SF3A2: variants seen among roughly 807,000 people sequenced by gnomAD.
SF3A2 encodes the protein SAP 62.
A neutral mutation model predicts 31.1 loss-of-function variants in SF3A2; 5 were observed. The ratio of observed to expected loss-of-function variants is 0.16; its 90% confidence interval spans 0.08 to 0.34. SF3A2 has a LOEUF of 0.34. Among genes scored for constraint, SF3A2 ranks in the 10% least tolerant of loss-of-function variants. The pLI, the probability that SF3A2 is intolerant of heterozygous loss-of-function variation, is 1.00. For synonymous variants in SF3A2, 365 were observed against 263.7 expected (o/e 1.38, Z -3.72); for missense variants, 577 against 643.9 (o/e 0.90, Z 1.13).
rs45502694 is a variant in SF3A2 at position 2,244,624 on chromosome 19, T to C, written c.198+9T>C. The stretch of plus-strand genomic sequence containing the variant: ...CACTTCACAACAATGAGGTGCGGCC[T>C]CTGCCTGGCTCCGGGCGGCTCGCGG... On this transcript the variant is annotated intron_variant, in intron 3 of 8. Coordinates refer to ENST00000221494, the MANE Select transcript of SF3A2 (RefSeq NM_007165.5). 3.1e-6 allele frequency: 5 copies of C among 1,613,846 alleles called. No individual in the cohort carries two copies. In the Admixed American group the frequency reaches 8.3e-5, roughly 27 times the overall value.
At chr19:2,244,835 C>A in intron 4 of SF3A2, 56 bp downstream of exon 4, 1 of 1,519,938 alleles carries the variant, frequency 6.6e-7, no homozygotes, top group Non-Finnish European at 9.1e-7. Flanking sequence ...TGGCTCAAGT[C>A]TCTGTGAGCC....
At chr19:2,244,956 G>A (rs868786670) in intron 4 of SF3A2, 177 bp downstream of exon 4, 26 of 616,856 alleles carry the variant, frequency 4.2e-5, no homozygotes, top group African/African-American at 9.2e-5. Context: ...TGGCTGAGGC[G>A]GGCAGATCAC....
chr19:2,247,256 C>T (rs1171463119), intron 7 of SF3A2: 1 of 541,286 alleles, frequency 1.8e-6, no homozygotes, highest in Non-Finnish European at 3.2e-6. Flanking sequence ...GGGCTGAGCG[C>T]CAGGCCTGTG....
In SF3A2 at chr19:2,248,176, G is replaced by A; in HGVS notation, c.1025G>A (p.Gly342Glu). Residue 342 changes from glycine (G) to glutamate (E), a missense_variant, in exon 9 of 9, where the codon GGG (glycine) becomes GAG (glutamate). By Grantham distance (98) the Gly-to-Glu change is moderately conservative. This residue lies in a region of SF3A2 where 462 missense variants were observed against 339.1 expected (regional missense o/e 1.36). Transcript: ENST00000221494. ...CCTGGAGTCCACCCTCCAGCCCCCG[G>A]GGTTCACCCACCAGCCCCCGGAGTC... ...PAPGVHPPAP[G>E]VHPPAPGVHP... The A allele has an allele frequency of 6.8e-7, 1 of 1,466,062 alleles. No homozygotes were observed. The highest frequency in any genetic ancestry group is 9.2e-7 in the Non-Finnish European group (1 of 1,086,900). The allele number at this position is 1,466,062 out of a possible 1,614,324, so 90.8% of individuals were successfully genotyped here. A position where few individuals can be genotyped will look rare whatever the true frequency, so the allele number is the denominator to read the frequency against.
Position 2,246,962 on chromosome 19 carries a change from G to T in SF3A2, c.486G>T (p.Pro162=). The change falls in exon 7 of 9, where the codon CCG becomes CCT. Residue 162 remains proline, a synonymous_variant. Transcript: ENST00000221494. The surrounding 1 kb of genome is among the most constrained non-coding windows in gnomAD (Gnocchi z 5.5). The stretch of plus-strand genomic sequence containing the variant: ...CGTACGAGCAGAGGATCGAGCCTCC[G>T]GACCGGCGCTGGCAGTACCTGCTCA... ...MSAYEQRIEP[P]DRRWQYLLMA... 6.2e-7 allele frequency: 1 copy of T among 1,608,030 alleles called. No individual in the cohort carries two copies. The highest frequency in any genetic ancestry group is 8.5e-7 in the Non-Finnish European group (1 of 1,178,688).
rs1334871683 is a variant in SF3A2 at position 2,248,374 on chromosome 19, A to C, written c.1223A>C (p.His408Pro). 9.7e-6 allele frequency: 13 copies of C among 1,347,000 alleles called. No individual in the cohort carries two copies. The East Asian group carries it at 2.4e-4, about 25-fold the overall frequency. The allele number at this position is 1,347,000 out of a possible 1,614,324, so 83.4% of individuals were successfully genotyped here. Reference sequence around the variant, plus strand: ...ATGCACCCTCAGGCCCCGGGGGTCCACCCCCAACCTCCCGGGGTCCATCCG... The same window carrying C: ...ATGCACCCTCAGGCCCCGGGGGTCCCCCCCCAACCTCCCGGGGTCCATCCG... ...PGMHPQAPGVHPQPPGVHPSA... is the reference protein window; with the variant it reads ...PGMHPQAPGVPPQPPGVHPSA... The change falls in exon 9 of 9, where the codon CAC (histidine) becomes CCC (proline). Residue 408 changes from histidine (H) to proline (P), a missense_variant. Coordinates refer to ENST00000221494, the MANE Select transcript of SF3A2 (RefSeq NM_007165.5).
At chr19:2,241,752 G>T (rs1358592851) in intron 1 of SF3A2, among the ~76,000 whole-genome samples, 1 of 152,214 alleles carries the variant, frequency 6.6e-6, no homozygotes, top group Admixed American at 6.5e-5. Context: ...AGTCCTTCTG[G>T]TGTCACAGTC....
Position 2,246,501 on chromosome 19 carries a change from G to C in SF3A2, c.356-252G>C, listed in dbSNP as rs2024934358. Reference sequence around the variant, plus strand: ...CCAGCACCCCTGGTGAAGGGCTCTGGGGATTGGGACAAAGGAGCACCATCC... The same window carrying C: ...CCAGCACCCCTGGTGAAGGGCTCTGCGGATTGGGACAAAGGAGCACCATCC... On this transcript the variant is annotated intron_variant, in intron 5 of 8. Coordinates refer to ENST00000221494, the MANE Select transcript of SF3A2 (RefSeq NM_007165.5). This position sits in a 1 kb window ranked among gnomAD's most constrained non-coding sequence, Gnocchi z 5.5. Among the ~76,000 whole-genome samples the C allele has an allele frequency of 1.3e-5, 2 of 152,104 alleles. No individual in the cohort carries two copies. Among genetic ancestry groups the C allele is most frequent in the African/African-American group, 4.8e-5 (2 of 41,428 alleles).
Position 2,246,688 on chromosome 19 carries a change from T to C in SF3A2, c.356-65T>C. 6.2e-7 allele frequency: 1 copy of C among 1,602,162 alleles called. No individual in the cohort carries two copies. The highest frequency in any genetic ancestry group is 8.5e-7 in the Non-Finnish European group (1 of 1,171,550). ...TCTCGTTCAGTGGGTGGCATTAGCC[T>C]GCCCCAGGTTCCTCAGCTTCGGAGA... On this transcript the variant is annotated intron_variant, in intron 5 of 8. Transcript: ENST00000221494. This position sits in a 1 kb window ranked among gnomAD's most constrained non-coding sequence, Gnocchi z 5.5.
Position 2,243,365 on chromosome 19 carries a change from C to A in SF3A2, c.-37-17C>A. On this transcript the variant is annotated splice_polypyrimidine_tract_variant and intron_variant, in intron 1 of 8. Transcript: ENST00000221494. ...AGTTCTGAGCCATCTTCCTCACTCTCCTCTTGGCCTCCACAGGTGTCTCCC... is the reference window on the plus strand; with the variant it reads ...AGTTCTGAGCCATCTTCCTCACTCTACTCTTGGCCTCCACAGGTGTCTCCC... 2 of 1,475,878 alleles carry A rather than the reference C, an allele frequency of 1.4e-6. No individual in the cohort carries two copies. The highest frequency in any genetic ancestry group is 1.8e-6 in the Non-Finnish European group (2 of 1,116,256). The allele number at this position is 1,475,878 out of a possible 1,614,324, so 91.4% of individuals were successfully genotyped here. A position where few individuals can be genotyped will look rare whatever the true frequency, so the allele number is the denominator to read the frequency against.
Position 2,246,953 on chromosome 19 carries a change from C to G in SF3A2, c.477C>G (p.Ile159Met). ...TCATGTCTGCGTACGAGCAGAGGAT[C>G]GAGCCTCCGGACCGGCGCTGGCAGT... ...HRFMSAYEQR[I>M]EPPDRRWQYL... Residue 159 changes from isoleucine to methionine, a missense_variant, in exon 7 of 9, where the codon ATC becomes ATG. Transcript: ENST00000221494. The surrounding 1 kb of genome is among the most constrained non-coding windows in gnomAD (Gnocchi z 5.5). 5.6e-6 allele frequency: 9 copies of G among 1,608,654 alleles called. No homozygotes were observed. Among genetic ancestry groups the G allele is most frequent in the Non-Finnish European group, 7.6e-6 (9 of 1,178,684 alleles).
intron 1 of SF3A2, among the ~76,000 whole-genome samples, chr19:2,242,505 C>G (rs144852652): frequency 2.6e-5 from 4 of 152,318 alleles, no homozygotes; most frequent in African/African-American, 9.6e-5. Flanking sequence ...TTTTAAGATC[C>G]TCAAGCCCAC....
At chr19:2,242,748 T>A (rs920468274) in intron 1 of SF3A2, among the ~76,000 whole-genome samples, 2 of 152,128 alleles carry the variant, frequency 1.3e-5, no homozygotes, top group African/African-American at 4.8e-5. Context: ...TGAAAGGGCG[T>A]GGGAGACCTT....
At chr19:2,240,286 C>G (rs2024878121) in intron 1 of SF3A2, among the ~76,000 whole-genome samples, 1 of 152,248 alleles carries the variant, frequency 6.6e-6, no homozygotes, top group Admixed American at 6.5e-5. Flanking sequence ...TCAGTCCCCC[C>G]TTTTCAGCCT....
chr19:2,247,708 C>A (rs779429244), intron 8 of SF3A2, 46 bp downstream of exon 8: 2 of 1,611,006 alleles, frequency 1.2e-6, no homozygotes, highest in Non-Finnish European at 1.7e-6. Flanking sequence ...CCAGCCCTGG[C>A]GGCCCTAGCC....
intron 7 of SF3A2, 23 bp downstream of exon 7, chr19:2,247,045 T>C: frequency 8.4e-7 from 1 of 1,190,936 alleles, no homozygotes; most frequent in Non-Finnish European, 1.1e-6. Context: ...CGGGGTTCCC[T>C]GGGCCCCCTT....
rs2024922639 is a variant in SF3A2 at position 2,245,336 on chromosome 19, T to C, written c.246-110T>C. The C allele has an allele frequency of 3.9e-6, 3 of 760,384 alleles. No homozygotes were observed. The African/African-American group carries it at 5.3e-5, about 13-fold the overall frequency. The allele number at this position is 760,384 out of a possible 1,614,324, so 47.1% of individuals were successfully genotyped here. On this transcript the variant is annotated intron_variant, in intron 4 of 8. Coordinates refer to ENST00000221494, the MANE Select transcript of SF3A2 (RefSeq NM_007165.5). This position sits in a 1 kb window ranked among gnomAD's most constrained non-coding sequence, Gnocchi z 4.2. ...CCTCCCAGGCCCCTGGCCCTCCTCATCTCTCAGCTTGTAGTGAGCTCCAAG... is the reference window on the plus strand; with the variant it reads ...CCTCCCAGGCCCCTGGCCCTCCTCACCTCTCAGCTTGTAGTGAGCTCCAAG...
Position 2,245,894 on chromosome 19 carries a change from C to A in SF3A2, c.355+339C>A. ...AGCCCTGGCACATCCCTCCGGTTAA[C>A]CTTGAAGCCTTTGAAGGAGGACAGG... On this transcript the variant is annotated intron_variant, in intron 5 of 8. Coordinates refer to ENST00000221494, the MANE Select transcript of SF3A2 (RefSeq NM_007165.5). The surrounding 1 kb of genome is among the most constrained non-coding windows in gnomAD (Gnocchi z 4.2). The A allele has an allele frequency of 3.1e-6, 1 of 321,448 alleles. No homozygotes were observed. Among genetic ancestry groups the A allele is most frequent in the Non-Finnish European group, 5.9e-6 (1 of 170,386 alleles). The allele number at this position is 321,448 out of a possible 1,614,324, so 19.9% of individuals were successfully genotyped here.
chr19:2,240,460 C>G (rs2024879939), intron 1 of SF3A2, among the ~76,000 whole-genome samples: 2 of 152,222 alleles, frequency 1.3e-5, no homozygotes, highest in South Asian at 4.1e-4. Context: ...TGAGGAGGGA[C>G]AGTGTGGGTG....
Sources: allele counts gnomAD v4.1 joint callset (sites outside exome capture counted in the v4.1 genomes callset), GRCh38; gene constraint gnomAD v4.1.1; regional missense constraint gnomAD v4.1.1; non-coding constraint Gnocchi (gnomAD v3.1); transcripts MANE v1.5; gene names NCBI Gene and HGNC (gene_info 2026-07-23, HGNC 2026-07-21).